The following ADAM19 variants were observed in gnomAD, a reference collection of about 807,000 sequenced individuals.
The protein encoded by ADAM19 is disintegrin and metalloproteinase domain-containing protein 19.
A neutral mutation model predicts 114.7 loss-of-function variants in ADAM19; 65 were observed. The ratio of observed to expected loss-of-function variants is 0.57; its 90% CI spans 0.46 to 0.70. The LOEUF (loss-of-function observed/expected upper bound fraction) is 0.70. ADAM19 is among the 30% of genes least tolerant of loss of function. ADAM19 has a pLI of 0.00. For synonymous variants in ADAM19, 466 were observed against 460.5 expected (o/e 1.01, Z -0.15); for missense variants, 1,063 against 1,204.7 (o/e 0.88, Z 1.74).
In ADAM19 at chr5:157,489,087, G is replaced by A. The variant is rs760640058; in HGVS notation, c.2325+15C>T. On this transcript the variant is annotated intron_variant, in intron 20 of 22. Coordinates refer to ENST00000257527, the MANE Select transcript of ADAM19 (RefSeq NM_033274.5). ...AAAGGAAAAGTAGCAAAGTTCAGTG[G>A]TGCAAAGCTCTTACCTTTCGCTTGC... The A allele has an allele frequency of 4.3e-6, 7 of 1,610,732 alleles. No individual in the cohort carries two copies. The highest frequency in any genetic ancestry group is 5.9e-6 in the Non-Finnish European group (7 of 1,176,984).
intron 8 of ADAM19, among the ~76,000 whole-genome samples, chr5:157,511,750 G>A (rs899694793): frequency 1.3e-5 from 2 of 152,170 alleles, no homozygotes; most frequent in East Asian, 1.9e-4. Flanking sequence ...TTCAGTTCAA[G>A]TAGCTAGGTC....
At chr5:157,486,928 AGAG>A (rs1229499203) in intron 21 of ADAM19, among the ~76,000 whole-genome samples, 1 of 151,714 alleles carries the variant, frequency 6.6e-6, no homozygotes, top group Non-Finnish European at 1.5e-5. Context: ...CCTCATAAGA[AGAG>A]GAGAGTTGGA....
At chr5:157,529,536 T>C (rs902270808) in intron 5 of ADAM19, among the ~76,000 whole-genome samples, 4 of 152,268 alleles carry the variant, frequency 2.6e-5, no homozygotes, top group African/African-American at 9.6e-5. Context: ...CTTGGTAAAA[T>C]GCAGATTAAA....
intron 2 of ADAM19, chr5:157,565,856 C>T (rs1757645491): frequency 1.3e-5 from 2 of 152,034 alleles, no homozygotes; most frequent in African/African-American, 4.8e-5. Context: ...TGCCTGTAAT[C>T]CCAGCACTTT....
intron 13 of ADAM19, 41 bp downstream of exon 13, chr5:157,499,532 G>T: frequency 6.4e-7 from 1 of 1,551,854 alleles, no homozygotes; most frequent in Non-Finnish European, 8.9e-7. Context: ...TGGTCCCACT[G>T]TCAGGCCAGG....
intron 14 of ADAM19, among the ~76,000 whole-genome samples, chr5:157,495,787 C>T (rs1208656202): frequency 3.9e-5 from 6 of 152,112 alleles, no homozygotes. Context: ...GCGTCCACCA[C>T]CACGCCTGGC....
chr5:157,501,067 G>A (rs1244393163), intron 12 of ADAM19, among the ~76,000 whole-genome samples: 1 of 152,154 alleles, frequency 6.6e-6, no homozygotes, highest in African/African-American at 2.4e-5. Context: ...ATATTGGAGA[G>A]CCACATCCCA....
intron 3 of ADAM19, among the ~76,000 whole-genome samples, chr5:157,551,411 C>CAA (rs1307546089): frequency 0.071 from 5,191 of 73,198 alleles, 160 homozygotes; most frequent in South Asian, 0.22. Context: ...CCCCCCAACC[C>CAA]CAAAAAAAAA....
chr5:157,546,508 T>C (rs1040687002), intron 3 of ADAM19, among the ~76,000 whole-genome samples: 1 of 152,196 alleles, frequency 6.6e-6, no homozygotes, highest in Non-Finnish European at 1.5e-5. Context: ...AGTCAAGAGA[T>C]AAAGAGCTTC....
intron 8 of ADAM19, among the ~76,000 whole-genome samples, chr5:157,512,358 G>A (rs1362353754): frequency 1.3e-5 from 2 of 152,152 alleles, no homozygotes; most frequent in Non-Finnish European, 2.9e-5. Context: ...ATTCTCTAGT[G>A]TTTAGGAAAA....
chr5:157,557,059 GT>G (rs1757386864), intron 3 of ADAM19, among the ~76,000 whole-genome samples: 1 of 152,012 alleles, frequency 6.6e-6, no homozygotes, highest in Non-Finnish European at 1.5e-5. Flanking sequence ...TTTTGTGGGG[GT>G]TTTTTGTTTG....
intron 21 of ADAM19, among the ~76,000 whole-genome samples, chr5:157,487,206 C>T (rs571585354): frequency 1.2e-3 from 188 of 152,240 alleles, no homozygotes; most frequent in African/African-American, 3.8e-3. Flanking sequence ...TTGCTTTTTT[C>T]CTTTCCTCTT....
chr5:157,571,829 T>C (rs1314826491), intron 1 of ADAM19, among the ~76,000 whole-genome samples: 3 of 152,206 alleles, frequency 2.0e-5, no homozygotes, highest in African/African-American at 7.2e-5. Flanking sequence ...CCATGAATAC[T>C]GCTCCCATGG....
intron 4 of ADAM19, among the ~76,000 whole-genome samples, chr5:157,533,576 C>T (rs1023952476): frequency 2.0e-5 from 3 of 152,078 alleles, no homozygotes; most frequent in Admixed American, 6.6e-5. Context: ...AGGGGCCGGG[C>T]CTGTGTGGAG....
Position 157,564,377 on chromosome 5 carries a change from T to C in ADAM19, c.247A>G (p.Asn83Asp), listed in dbSNP as rs1336908024. ...ACAAAGGAGGAGTCCACTTACTCAT[T>C]CTTCTCCAGGTCCAGGATCAGTTCT... Reference protein sequence around the residue: ...GRELILDLEKNEQLFAPSYTE... With the variant: ...GRELILDLEKDEQLFAPSYTE... The change falls in exon 3 of 23, where the codon AAT becomes GAT. Residue 83 changes from asparagine to aspartate, a missense_variant. Transcript: ENST00000257527. 6.2e-7 allele frequency: 1 copy of C among 1,614,066 alleles called. No individual in the cohort carries two copies. Among genetic ancestry groups the C allele is most frequent in the South Asian group, 1.1e-5 (1 of 91,072 alleles).
chr5:157,477,579 C>A lies in ADAM19; in HGVS notation c.*3370G>T. Reference sequence around the variant, plus strand: ...AAATGTGGGCTTGGATTCTACAGAACCTCTCCTTCGCAGGCTCCCCTGGGG... The same window carrying A: ...AAATGTGGGCTTGGATTCTACAGAAACTCTCCTTCGCAGGCTCCCCTGGGG... On this transcript the variant is annotated 3_prime_UTR_variant, in exon 23 of 23. Transcript: ENST00000257527. 1.6e-6 allele frequency: 2 copies of A among 1,244,390 alleles called. No homozygotes were observed. The highest frequency in any genetic ancestry group is 1.3e-5 in the South Asian group (1 of 74,476). The allele number at this position is 1,244,390 out of a possible 1,614,324, so 77.1% of individuals were successfully genotyped here. A position where few individuals can be genotyped will look rare whatever the true frequency, so the allele number is the denominator to read the frequency against.
At chr5:157,509,131 G>C (rs1249556122) in intron 9 of ADAM19, among the ~76,000 whole-genome samples, 170 bp downstream of exon 9, 4 of 152,224 alleles carry the variant, frequency 2.6e-5, no homozygotes, top group Non-Finnish European at 5.9e-5. Flanking sequence ...ATTTTCTGGG[G>C]TATGCTGGGT....
intron 5 of ADAM19, among the ~76,000 whole-genome samples, chr5:157,525,706 C>T (rs1179966474): frequency 6.6e-6 from 1 of 152,204 alleles, no homozygotes; most frequent in Admixed American, 6.5e-5. Context: ...GAGATCCACA[C>T]AGCCAGGAAG....
At chr5:157,567,603 G>A (rs574697040) in intron 2 of ADAM19, among the ~76,000 whole-genome samples, 2 of 152,240 alleles carry the variant, frequency 1.3e-5, no homozygotes, top group South Asian at 2.1e-4. Context: ...TTCCAGACCA[G>A]CCTGACCAAC....
Sources: gnomAD v4.1 joint callset for allele counts (sites outside exome capture counted in the v4.1 genomes callset) on GRCh38, gnomAD v4.1.1 for gene constraint, MANE v1.5 for transcripts, NCBI Gene and HGNC (gene_info 2026-07-23, HGNC 2026-07-21) for gene names.